The following SYN2 variants were observed in gnomAD, a reference collection of about 807,000 sequenced individuals.
The protein encoded by SYN2 is synapsin-2.
SYN2 carries 19 observed loss-of-function variants against 50.9 expected under a neutral mutation model. The ratio of observed to expected loss-of-function variants is 0.37; its 90% CI spans 0.26 to 0.55. SYN2 has a LOEUF of 0.55. Among genes scored for constraint, SYN2 ranks in the 20% least tolerant of loss-of-function variants. The pLI is 0.81. For missense variants in SYN2, 587 were observed against 576.4 expected, an observed-to-expected ratio of 1.02 and a Z score of -0.19; for synonymous variants, 255 against 224.9, an observed-to-expected ratio of 1.13 and a Z score of -1.20.
intron 1 of SYN2, among the ~76,000 whole-genome samples, chr3:12,138,206 C>T (rs1696941474): frequency 6.6e-6 from 1 of 152,228 alleles, no homozygotes; most frequent in South Asian, 2.1e-4. Flanking sequence ...CCCCATCTGC[C>T]GGCCATCTTG....
At chr3:12,006,202 T>C (rs1203058481) in intron 1 of SYN2, among the ~76,000 whole-genome samples, 1 of 152,116 alleles carries the variant, frequency 6.6e-6, no homozygotes, top group African/African-American at 2.4e-5. Context: ...GAGATGCAGA[T>C]GTGGAGATGC....
intron 1 of SYN2, among the ~76,000 whole-genome samples, chr3:12,006,779 G>T (rs987458632): frequency 2.0e-5 from 3 of 152,162 alleles, no homozygotes; most frequent in East Asian, 1.9e-4. Context: ...CAGTTAAAAA[G>T]AAATCTAGAA....
intron 1 of SYN2, among the ~76,000 whole-genome samples, chr3:12,046,550 A>G (rs1392759259): frequency 6.6e-6 from 1 of 152,182 alleles, no homozygotes; most frequent in Non-Finnish European, 1.5e-5. Flanking sequence ...GAAGAGAGAC[A>G]TGATTAGATG....
chr3:12,064,030 C>G (rs1695163074), intron 1 of SYN2, among the ~76,000 whole-genome samples: 1 of 151,738 alleles, frequency 6.6e-6, no homozygotes, highest in Admixed American at 6.6e-5. Context: ...CTCCCTCAGT[C>G]AGGTGATCAA....
chr3:12,120,400 T>G (rs769149665), intron 1 of SYN2, among the ~76,000 whole-genome samples: 1 of 152,180 alleles, frequency 6.6e-6, no homozygotes, highest in African/African-American at 2.4e-5. Context: ...CACTAGTAAG[T>G]CAGGTTGGCC....
At chr3:12,072,890 C>G (rs1159934441) in intron 1 of SYN2, among the ~76,000 whole-genome samples, 2 of 152,060 alleles carry the variant, frequency 1.3e-5, no homozygotes, top group Non-Finnish European at 2.9e-5. Flanking sequence ...GTATTGTTCT[C>G]AATTGTCTGC....
intron 1 of SYN2, among the ~76,000 whole-genome samples, chr3:12,108,137 G>A (rs1696237726): frequency 1.3e-5 from 2 of 152,176 alleles, no homozygotes; most frequent in South Asian, 4.1e-4. Flanking sequence ...CTGAGCCCAA[G>A]AGGTCCAGGC....
At chr3:12,121,967 A>G (rs1442470647) in intron 1 of SYN2, among the ~76,000 whole-genome samples, 1 of 152,140 alleles carries the variant, frequency 6.6e-6, no homozygotes, top group African/African-American at 2.4e-5. Context: ...CTTCTCTGCA[A>G]AACCTCAGTT....
intron 1 of SYN2, among the ~76,000 whole-genome samples, chr3:12,065,812 A>G (rs6769999): frequency 0.092 from 13,899 of 151,874 alleles, 1,981 homozygotes; most frequent in African/African-American, 0.31. Flanking sequence ...CATGCAATAT[A>G]CTCATGTAAC....
chr3:12,170,573 T>C (rs1697916251), intron 10 of SYN2, among the ~76,000 whole-genome samples: 1 of 152,206 alleles, frequency 6.6e-6, no homozygotes, highest in African/African-American at 2.4e-5. Context: ...GAAAGGTCTT[T>C]ATTCCCATGC....
At chr3:12,083,996 A>G (rs1695636296) in intron 1 of SYN2, among the ~76,000 whole-genome samples, 1 of 152,136 alleles carries the variant, frequency 6.6e-6, no homozygotes, top group African/African-American at 2.4e-5. Context: ...TTGTTCAGAC[A>G]TGTCTCTCCC....
chr3:12,006,773 T>G (rs1160561986), intron 1 of SYN2, among the ~76,000 whole-genome samples: 1 of 152,158 alleles, frequency 6.6e-6, no homozygotes, highest in East Asian at 1.9e-4. Flanking sequence ...ATGAAACAGT[T>G]AAAAAGAAAT....
At chr3:12,055,481 A>C (rs1208485490) in intron 1 of SYN2, among the ~76,000 whole-genome samples, 7 of 152,186 alleles carry the variant, frequency 4.6e-5, no homozygotes, top group African/African-American at 1.7e-4. Context: ...AGAAATATGA[A>C]AAATAATGGA....
intron 10 of SYN2, among the ~76,000 whole-genome samples, chr3:12,178,201 G>T (rs1698132349): frequency 6.6e-6 from 1 of 152,152 alleles, no homozygotes; most frequent in South Asian, 2.1e-4. Flanking sequence ...CAAGGAGCTT[G>T]GCCTGGCCTC....
At chr3:12,009,370 A>G (rs1693870589) in intron 1 of SYN2, among the ~76,000 whole-genome samples, 1 of 151,590 alleles carries the variant, frequency 6.6e-6, no homozygotes, top group South Asian at 2.1e-4. Context: ...GTATCCCTCC[A>G]TTTTTACTAT....
intron 1 of SYN2, among the ~76,000 whole-genome samples, chr3:12,136,718 C>T (rs982553864): frequency 6.6e-6 from 1 of 152,046 alleles, no homozygotes; most frequent in Non-Finnish European, 1.5e-5. Context: ...CTCATTTTAG[C>T]AATAAGGGGA....
At chr3:12,137,231 G>A in intron 1 of SYN2, among the ~76,000 whole-genome samples, 1 of 145,074 alleles carries the variant, frequency 6.9e-6, no homozygotes, top group Non-Finnish European at 1.5e-5. Context: ...CCGCGCAACA[G>A]AGCAAGATCC....
At chr3:12,145,653 C>T (rs758441848) in intron 3 of SYN2, 26 bp from the exon 4 acceptor site, 2 of 1,610,314 alleles carry the variant, frequency 1.2e-6, no homozygotes, top group Non-Finnish European at 1.7e-6. Context: ...TGGTTAATGG[C>T]AAACCTGCCT....
chr3:12,078,925 C>T (rs1695528346), intron 1 of SYN2, among the ~76,000 whole-genome samples: 1 of 152,126 alleles, frequency 6.6e-6, no homozygotes, highest in Non-Finnish European at 1.5e-5. Context: ...ATTGATTCTT[C>T]CTGTCCGTGA....
Sources: gnomAD v4.1 joint callset for allele counts (sites outside exome capture counted in the v4.1 genomes callset) on GRCh38, gnomAD v4.1.1 for gene constraint, MANE v1.5 for transcripts, NCBI Gene and HGNC (gene_info 2026-07-23, HGNC 2026-07-21) for gene names.